DUSP22: variants seen among roughly 807,000 people sequenced by gnomAD.
DUSP22 encodes dual specificity protein phosphatase 22.
In DUSP22, 24 loss-of-function variants were observed where a neutral mutation model predicts 24.5. The observed-to-expected ratio is 0.98, with a 90% confidence interval of 0.71 to 1.38. The LOEUF (loss-of-function observed/expected upper bound fraction) is 1.38, where lower values mean the gene tolerates loss of function less well. Among genes scored for constraint, DUSP22 ranks in the 40% most tolerant of loss-of-function variants. The probability of loss-of-function intolerance (pLI) is 0.00; values close to 1 mark genes in which losing one functional copy is unlikely to be tolerated. For synonymous variants in DUSP22, 160 were observed against 106.4 expected, an observed-to-expected ratio of 1.50 and a Z score of -3.10; for missense variants, 330 against 269.2, an observed-to-expected ratio of 1.23 and a Z score of -1.58.
intron 3 of DUSP22, among the ~76,000 whole-genome samples, chr6:316,077 A>T (rs1758324391): frequency 6.6e-6 from 1 of 152,306 alleles, no homozygotes; most frequent in Non-Finnish European, 1.5e-5. Context: ...CTGGCATTCC[A>T]GCTGGTGGAG....
At chr6:331,803 A>G (rs1257282653) in intron 3 of DUSP22, among the ~76,000 whole-genome samples, 1 of 152,308 alleles carries the variant, frequency 6.6e-6, no homozygotes, top group African/African-American at 2.4e-5. Context: ...AGATAAATAG[A>G]TGTTCTTAGG....
At position 348,809 on chromosome 6, in the gene DUSP22, T is replaced by G; in HGVS notation, c.476T>G (p.Leu159Trp). The G allele has an allele frequency of 6.2e-7, 1 of 1,614,310 alleles. No homozygotes were observed. The highest frequency in any genetic ancestry group is 2.2e-5 in the East Asian group (1 of 44,896). ...WLKEEYGESP[L>W]QDAEEAKNIL... ...AAGGAAGAATATGGAGAGAGCCCTTTGCAGGATGCAGAAGAAGCCAAAAAC... is the reference window on the plus strand; with the variant it reads ...AAGGAAGAATATGGAGAGAGCCCTTGGCAGGATGCAGAAGAAGCCAAAAAC... The change falls in exon 7 of 7, where the codon TTG becomes TGG. Residue 159 changes from leucine to tryptophan, a missense_variant. By Grantham distance (61) the Leu-to-Trp change is moderately conservative. Transcript: ENST00000419235.
At chr6:332,644 C>CTTTTTTTTTTTTTTTTTTTTTT (rs3053546) in intron 3 of DUSP22, among the ~76,000 whole-genome samples, 2 of 148,066 alleles carry the variant, frequency 1.4e-5, no homozygotes, top group Non-Finnish European at 1.5e-5. Context: ...TCCTGTCCTT[C>CTTTTTTTTTTTTTTTTTTTTTT]TTTTTTTTTT....
At chr6:346,089 G>A (rs1473715668) in intron 5 of DUSP22, among the ~76,000 whole-genome samples, 161 bp downstream of exon 5, 3 of 152,302 alleles carry the variant, frequency 2.0e-5, no homozygotes, top group Non-Finnish European at 4.4e-5. Context: ...CTGTGTGTTA[G>A]TCGCCCTTTC....
chr6:305,767 G>C (rs550525890), intron 2 of DUSP22, among the ~76,000 whole-genome samples: 381 of 152,284 alleles, frequency 2.5e-3, no homozygotes, highest in East Asian at 0.011. Context: ...TGGGAAGCTT[G>C]CAGGCAGGTC....
chr6:297,509 C>G (rs577116159), intron 1 of DUSP22, among the ~76,000 whole-genome samples: 5 of 152,420 alleles, frequency 3.3e-5, no homozygotes, highest in Non-Finnish European at 7.3e-5. Flanking sequence ...CACCTGTAGA[C>G]ATTTCAGGAT....
intron 3 of DUSP22, among the ~76,000 whole-genome samples, chr6:318,347 C>T (rs991136882): frequency 6.6e-6 from 1 of 152,306 alleles, no homozygotes; most frequent in African/African-American, 2.4e-5. Context: ...TCACAGACTT[C>T]ATGGAGCTTA....
intron 3 of DUSP22, chr6:319,914 A>G (rs911760565): frequency 1.1e-4 from 16 of 152,372 alleles, no homozygotes; most frequent in Admixed American, 3.3e-4. Flanking sequence ...TATGACTCAA[A>G]TAGAAATGAT....
At chr6:311,767 C>A in intron 2 of DUSP22, 113 bp from the exon 3 acceptor site, 1 of 1,183,686 alleles carries the variant, frequency 8.4e-7, no homozygotes, top group Non-Finnish European at 1.2e-6. Flanking sequence ...TATGAAGTTT[C>A]AGGAAAGAAA....
chr6:335,372 T>C (rs545159682), intron 4 of DUSP22, among the ~76,000 whole-genome samples: 25 of 152,400 alleles, frequency 1.6e-4, no homozygotes, highest in African/African-American at 6.0e-4. Flanking sequence ...GACTGGTCCT[T>C]CCATTATGCA....
chr6:350,667 T>A lies in DUSP22; in HGVS notation c.*1716T>A, dbSNP rs1301017402. The stretch of plus-strand genomic sequence containing the variant: ...CAATTTGCCAATAAAGTACATGTTT[T>A]TCCTAAGCCAAAAATAAATACGTTA... On this transcript the variant is annotated 3_prime_UTR_variant, in exon 7 of 7. Transcript: ENST00000419235. The A allele has an allele frequency of 2.4e-5, 36 of 1,529,862 alleles. No homozygotes were observed. Among genetic ancestry groups the A allele is most frequent in the Non-Finnish European group, 3.2e-5 (36 of 1,138,692 alleles). The allele number at this position is 1,529,862 out of a possible 1,614,324, so 94.8% of individuals were successfully genotyped here. A position where few individuals can be genotyped will look rare whatever the true frequency, so the allele number is the denominator to read the frequency against.
chr6:304,013 T>G (rs1206395187), intron 1 of DUSP22, among the ~76,000 whole-genome samples: 1 of 152,310 alleles, frequency 6.6e-6, no homozygotes, highest in African/African-American at 2.4e-5. Context: ...ATCATTTATT[T>G]AACAACCCAT....
rs544531342 is a variant in DUSP22, at chr6:304,932, A to G, written c.55+271A>G. Among the ~76,000 whole-genome samples the G allele has an allele frequency of 2.0e-5, 3 of 152,418 alleles. No homozygotes were observed. In the East Asian group the frequency reaches 5.8e-4, roughly 29 times the overall value. ...CTCACAACTATCGGAGCCTCCTCTT[A>G]GTGAAATCATGCAGTATTTGTGCTT... On this transcript the variant is annotated intron_variant, in intron 2 of 6. Coordinates refer to ENST00000419235, the MANE Select transcript of DUSP22 (RefSeq NM_001286555.3).
intron 3 of DUSP22, among the ~76,000 whole-genome samples, chr6:321,699 A>T (rs1758595768): frequency 6.6e-6 from 1 of 152,282 alleles, no homozygotes. Flanking sequence ...AAGAAAAAAT[A>T]ATAATAATTA....
chr6:318,003 G>A (rs960260939), intron 3 of DUSP22, among the ~76,000 whole-genome samples: 40 of 152,298 alleles, frequency 2.6e-4, no homozygotes, highest in Non-Finnish European at 4.6e-4. Flanking sequence ...CCAGAGGATC[G>A]GTTAGTGCAA....
intron 3 of DUSP22, among the ~76,000 whole-genome samples, chr6:331,356 C>T (rs1216681306): frequency 1.3e-5 from 2 of 152,300 alleles, no homozygotes; most frequent in African/African-American, 4.8e-5. Flanking sequence ...TTACAGCAAA[C>T]ACTGTACTAA....
chr6:350,531 G>C lies in DUSP22; in HGVS notation c.*1580G>C. ...AGGGTGTGTCAAAGGTGAGCTTTTTGGGGACCGGGAAAAACAAAGTTGCCT... is the reference window on the plus strand; with the variant it reads ...AGGGTGTGTCAAAGGTGAGCTTTTTCGGGACCGGGAAAAACAAAGTTGCCT... On this transcript the variant is annotated 3_prime_UTR_variant, in exon 7 of 7. Transcript: ENST00000419235. 7.5e-7 allele frequency: 1 copy of C among 1,332,650 alleles called. No individual in the cohort carries two copies. Among genetic ancestry groups the C allele is most frequent in the Non-Finnish European group, 9.6e-7 (1 of 1,040,980 alleles). 82.6% of individuals were successfully genotyped at this position (1,332,650 alleles called of 1,614,324 possible). A position where few individuals can be genotyped will look rare whatever the true frequency, so the allele number is the denominator to read the frequency against.
intron 3 of DUSP22, among the ~76,000 whole-genome samples, chr6:315,379 A>G (rs2666948): frequency 1 from 151,858 of 152,422 alleles, 75,647 homozygotes; most frequent in Non-Finnish European, 1. Context: ...AAAAACCTGG[A>G]CGTTGGGAGA....
At chr6:294,212 T>G (rs1757221480) in intron 1 of DUSP22, among the ~76,000 whole-genome samples, 1 of 152,298 alleles carries the variant, frequency 6.6e-6, no homozygotes, top group South Asian at 2.1e-4. Flanking sequence ...GGTAATAAAT[T>G]TCTTGACTTT....
Sources: gnomAD v4.1 joint callset for allele counts (sites outside exome capture counted in the v4.1 genomes callset) on GRCh38, gnomAD v4.1.1 for gene constraint, MANE v1.5 for transcripts, NCBI Gene and HGNC (gene_info 2026-07-23, HGNC 2026-07-21) for gene names.